The following SMIM41 variants were observed in gnomAD, a reference collection of about 807,000 sequenced individuals.
SMIM41 encodes the protein small integral membrane protein 41.
chr12:52,092,845 A>C (rs1373117023), intron 2 of SMIM41, among the ~76,000 whole-genome samples: 1 of 152,204 alleles, frequency 6.6e-6, no homozygotes, highest in Admixed American at 6.5e-5. Context: ...TTTTTTTAGT[A>C]AAGTAGTTTT....
intron 2 of SMIM41, among the ~76,000 whole-genome samples, chr12:52,096,469 T>C (rs1212996523): frequency 6.6e-6 from 1 of 152,036 alleles, no homozygotes; most frequent in Admixed American, 6.6e-5. Context: ...ACTGTGGTAT[T>C]AGGAGTAATA....
At chr12:52,086,693 G>A (rs1939898983) in intron 2 of SMIM41, among the ~76,000 whole-genome samples, 1 of 152,128 alleles carries the variant, frequency 6.6e-6, no homozygotes, top group African/African-American at 2.4e-5. Context: ...TTGAGAGGCT[G>A]TGCTTTATGG....
chr12:52,100,670 T>C (rs1592330042), intron 2 of SMIM41, among the ~76,000 whole-genome samples: 2 of 147,916 alleles, frequency 1.4e-5, no homozygotes, highest in East Asian at 4.0e-4. Context: ...ACAGTGTTTC[T>C]CCATATTGGT....
intron 1 of SMIM41, chr12:52,082,204 G>C (rs1400465982): frequency 1.3e-5 from 2 of 152,384 alleles, no homozygotes; most frequent in East Asian, 1.9e-4. Context: ...TCAGAGCCGA[G>C]GGATCAGGGC....
chr12:52,093,587 T>C (rs4762051), intron 2 of SMIM41: 146,960 of 152,292 alleles, frequency 0.96, 70,928 homozygotes, highest in East Asian at 1. Flanking sequence ...AGGCCTGACT[T>C]GCTGTCTCTG....
intron 2 of SMIM41, among the ~76,000 whole-genome samples, chr12:52,090,693 T>C (rs1186125501): frequency 6.6e-6 from 1 of 152,146 alleles, no homozygotes; most frequent in Non-Finnish European, 1.5e-5. Flanking sequence ...AACCAGAGCA[T>C]CAACCTGAAA....
intron 2 of SMIM41, among the ~76,000 whole-genome samples, chr12:52,091,225 C>A (rs961884053): frequency 6.6e-6 from 1 of 152,108 alleles, no homozygotes; most frequent in African/African-American, 2.4e-5. Context: ...CTCCATGGTC[C>A]CCTCTGCGTT....
At chr12:52,092,792 T>C (rs1227020855) in intron 2 of SMIM41, 1 of 152,264 alleles carries the variant, frequency 6.6e-6, no homozygotes, top group East Asian at 1.9e-4. Flanking sequence ...ATTAATTTTA[T>C]TCCCAAGGAT....
At chr12:52,080,393 CG>C (rs1939800710) in intron 1 of SMIM41, among the ~76,000 whole-genome samples, 1 of 152,204 alleles carries the variant, frequency 6.6e-6, no homozygotes, top group South Asian at 2.1e-4. Flanking sequence ...CGCCCCGCCC[CG>C]GATTGTGTCT....
At position 52,087,211 on chromosome 12, in the gene SMIM41, T is replaced by C. The variant is rs113005384; in HGVS notation, c.*195+3243T>C. On this transcript the variant is annotated intron_variant, in intron 2 of 2. Transcript: ENST00000546390. Reference sequence around the variant, plus strand: ...CGCCTCTGCAGCCCCTCCACCCCGGTGCTGAGCCACCCCGCTTCCTCCTTA... The same window carrying C: ...CGCCTCTGCAGCCCCTCCACCCCGGCGCTGAGCCACCCCGCTTCCTCCTTA... 6.3e-3 allele frequency among the ~76,000 whole-genome samples: 957 copies of C among 152,296 alleles called. 8 individuals are homozygous for C. Among genetic ancestry groups the C allele is most frequent in the African/African-American group, 0.022 (904 of 41,562 alleles).
intron 2 of SMIM41, among the ~76,000 whole-genome samples, chr12:52,101,417 T>C (rs12319977): frequency 0.013 from 1,951 of 152,066 alleles, 40 homozygotes; most frequent in African/African-American, 0.044. Context: ...AGAAAGAGAC[T>C]CCATCACACA....
intron 2 of SMIM41, among the ~76,000 whole-genome samples, chr12:52,084,239 C>T (rs2701134): frequency 0.28 from 43,039 of 151,656 alleles, 6,698 homozygotes; most frequent in Admixed American, 0.46. Flanking sequence ...CTGGATGTGG[C>T]GGTGCATGCC....
At chr12:52,091,076 A>G (rs548474733) in intron 2 of SMIM41, among the ~76,000 whole-genome samples, 2 of 152,342 alleles carry the variant, frequency 1.3e-5, no homozygotes, top group Admixed American at 1.3e-4. Flanking sequence ...CAGTGGCACA[A>G]TCATGGCTCA....
chr12:52,088,219 T>C (rs1484479459), intron 2 of SMIM41, among the ~76,000 whole-genome samples: 2 of 152,150 alleles, frequency 1.3e-5, no homozygotes, highest in East Asian at 3.8e-4. Context: ...GTGATTGTGC[T>C]GCAATGGAAA....
rs913695696 is a variant in SMIM41, at chr12:52,079,883, T to G, written c.104T>G (p.Val35Gly). 16 of 390,252 alleles carry G rather than the reference T, an allele frequency of 4.1e-5. No individual in the cohort carries two copies. The highest frequency in any genetic ancestry group is 7.3e-5 in the Non-Finnish European group (16 of 220,680). The allele number at this position is 390,252 out of a possible 1,614,324, so 24.2% of individuals were successfully genotyped here. ...GAGCCCCCCGAGGGGCCGCGCGCGG[T>G]GCAGGCGGTGGTGCTCGGCGTGCTG... ...PPEPPEGPRAVQAVVLGVLSL... is the reference protein window; with the variant it reads ...PPEPPEGPRAGQAVVLGVLSL... Residue 35 changes from valine (V) to glycine (G), a missense_variant, in exon 1 of 3, where the codon GTG becomes GGG. By Grantham distance (109) the Val-to-Gly change is moderately radical. Coordinates refer to ENST00000546390, the MANE Select transcript of SMIM41 (RefSeq NM_001369216.1).
Position 52,100,071 on chromosome 12 carries a change from T to C in SMIM41, c.*196-7308T>C, listed in dbSNP as rs1431200516. 3.3e-5 allele frequency among the ~76,000 whole-genome samples: 5 copies of C among 151,928 alleles called. No individual in the cohort carries two copies. The East Asian group carries it at 5.8e-4, about 18-fold the overall frequency. On this transcript the variant is annotated intron_variant, in intron 2 of 2. Transcript: ENST00000546390. ...TGTACACACCCTGTGATATTGGAAG[T>C]AATATGATCCTCTCCCCCCCCGGAT...
chr12:52,101,247 A>AC (rs1022033692), intron 2 of SMIM41, among the ~76,000 whole-genome samples: 2 of 150,520 alleles, frequency 1.3e-5, no homozygotes, highest in Non-Finnish European at 2.9e-5. Context: ...ACATAGTGAA[A>AC]CCCCCGTCTC....
intron 2 of SMIM41, among the ~76,000 whole-genome samples, chr12:52,087,332 C>T (rs1939908092): frequency 6.6e-6 from 1 of 152,248 alleles, no homozygotes; most frequent in Non-Finnish European, 1.5e-5. Flanking sequence ...CCACTGCCGC[C>T]TCCGGTTACT....
Position 52,081,071 on chromosome 12 carries a change from G to A in SMIM41, c.*120+890G>A, listed in dbSNP as rs952237859. The stretch of plus-strand genomic sequence containing the variant: ...TCCCTCTGTCTCTCCAAGGACAGGA[G>A]CCATCTGGAGGGAAGGGCCTGGATG... On this transcript the variant is annotated intron_variant, in intron 1 of 2. Transcript: ENST00000546390. The surrounding 1 kb of genome is among the most constrained non-coding windows in gnomAD (Gnocchi z 4.1). 1.3e-5 allele frequency among the ~76,000 whole-genome samples: 2 copies of A among 152,126 alleles called. No individual in the cohort carries two copies. Among genetic ancestry groups the A allele is most frequent in the Non-Finnish European group, 2.9e-5 (2 of 67,980 alleles).
Sources: gnomAD v4.1 joint callset for allele counts (sites outside exome capture counted in the v4.1 genomes callset) on GRCh38, gnomAD v4.1.1 for gene constraint, Gnocchi (gnomAD v3.1) non-coding constraint, MANE v1.5 for transcripts, NCBI Gene and HGNC (gene_info 2026-07-23, HGNC 2026-07-21) for gene names.